The following SDR42E1 variants were observed in gnomAD, a reference collection of about 807,000 sequenced individuals.
SDR42E1 encodes the protein short chain dehydrogenase/reductase family 42E, member 1, also known as short-chain dehydrogenase/reductase family 42E member 1.
Under a neutral mutation model 2.6 loss-of-function variants are expected in SDR42E1, and 5 were observed. That is an observed-to-expected ratio of 1.94 (90% CI 1.01 to 4.08). SDR42E1 has a LOEUF of 4.08. SDR42E1 is among the 30% of genes most tolerant of loss of function. SDR42E1 has a pLI of 0.00. For synonymous variants in SDR42E1, 231 were observed against 188.3 expected (o/e 1.23, Z -1.86); for missense variants, 596 against 478.6 (o/e 1.25, Z -2.29).
Position 81,998,002 on chromosome 16 carries a change from C to T in SDR42E1, c.*1109G>A, listed in dbSNP as rs1368473220. 6.6e-6 allele frequency: 1 copy of T among 152,214 alleles called. No individual in the cohort carries two copies. Among genetic ancestry groups the T allele is most frequent in the East Asian group, 1.9e-4 (1 of 5,202 alleles). 9.4% of individuals were successfully genotyped at this position (152,214 alleles called of 1,614,324 possible). ...TGTTCCCATACTATCCTTTCTGTAG[C>T]TGGAGCCATGGACAGACATGGACTC... is the stretch of plus-strand genomic sequence containing the variant. On this transcript the variant is annotated 3_prime_UTR_variant, in exon 3 of 3. Coordinates refer to ENST00000328945, the MANE Select transcript of SDR42E1 (RefSeq NM_145168.3).
At chr16:82,003,370 C>G (rs1476998472) in intron 1 of SDR42E1, among the ~76,000 whole-genome samples, 1 of 152,202 alleles carries the variant, frequency 6.6e-6, no homozygotes, top group African/African-American at 2.4e-5. Context: ...CAATTCTGTT[C>G]TTTAGTGTAC....
rs747240899 is a variant in SDR42E1 at position 82,000,790 on chromosome 16, C to G, written c.68+1G>C. The stretch of plus-strand genomic sequence containing the variant: ...TGTGTATATTTTATAGATACACTTA[C>G]CGAAAACCAAAATAGCCACTTCCTC... On this transcript the variant is annotated splice_donor_variant, in intron 2 of 2. Transcript: ENST00000328945. LOFTEE classifies it high-confidence loss of function. 1 of 1,611,758 alleles carries G rather than the reference C, an allele frequency of 6.2e-7. No individual in the cohort carries two copies. Among genetic ancestry groups the G allele is most frequent in the South Asian group, 1.1e-5 (1 of 90,942 alleles).
chr16:81,989,585 A>T lies in SDR42E1; in HGVS notation c.*9526T>A, dbSNP rs1212471073. The T allele has an allele frequency of 1.3e-5, 2 of 152,218 alleles. No individual in the cohort carries two copies. The highest frequency in any genetic ancestry group is 2.9e-5 in the Non-Finnish European group (2 of 68,042). 9.4% of individuals were successfully genotyped at this position (152,218 alleles called of 1,614,324 possible). On this transcript the variant is annotated 3_prime_UTR_variant, in exon 3 of 3. Coordinates refer to ENST00000328945, the MANE Select transcript of SDR42E1 (RefSeq NM_145168.3). ...AACACACACCGCTATGGGTGTTTAT[A>T]GACATCAAAATTTAGAGCAGAGAGG...
chr16:81,993,393 G>C lies in SDR42E1; in HGVS notation c.*5718C>G, dbSNP rs753872530. ...ATCAGAAGCATCAGGGAAGAGTCTGGAGTCTGTATATCGAGGTAAAATAGA... is the reference window on the plus strand; with the variant it reads ...ATCAGAAGCATCAGGGAAGAGTCTGCAGTCTGTATATCGAGGTAAAATAGA... On this transcript the variant is annotated 3_prime_UTR_variant, in exon 3 of 3. Coordinates refer to ENST00000328945, the MANE Select transcript of SDR42E1 (RefSeq NM_145168.3). 6.6e-6 allele frequency: 1 copy of C among 152,148 alleles called. No individual in the cohort carries two copies. The highest frequency in any genetic ancestry group is 2.4e-5 in the African/African-American group (1 of 41,432). The allele number at this position is 152,148 out of a possible 1,614,324, so 9.4% of individuals were successfully genotyped here. A position where few individuals can be genotyped will look rare whatever the true frequency, so the allele number is the denominator to read the frequency against.
chr16:82,008,133 T>C (rs1295751887), intron 1 of SDR42E1, among the ~76,000 whole-genome samples: 2 of 152,246 alleles, frequency 1.3e-5, no homozygotes, highest in Admixed American at 6.5e-5. Context: ...CCAGCCACCA[T>C]GTAAGACGTG....
chr16:81,999,630 C>T lies in SDR42E1; in HGVS notation c.663G>A (p.Glu221=), dbSNP rs1282714048. 1.2e-6 allele frequency: 2 copies of T among 1,614,188 alleles called. No homozygotes were observed. Among genetic ancestry groups the T allele is most frequent in the South Asian group, 1.1e-5 (1 of 91,080 alleles). ...FVYGDPRSLV[E]FVHVDNLVQA... ...GCACCAAGTTATCCACGTGGACAAACTCAACCAGGCTCCTGGGGTCCCCGT... is the reference window on the plus strand; with the variant it reads ...GCACCAAGTTATCCACGTGGACAAATTCAACCAGGCTCCTGGGGTCCCCGT... The change falls in exon 3 of 3, where the codon GAG becomes GAA. Residue 221 remains glutamate (E), a synonymous_variant. Transcript: ENST00000328945.
Position 81,992,356 on chromosome 16 carries a change from G to C in SDR42E1, c.*6755C>G, listed in dbSNP as rs1912447013. On this transcript the variant is annotated 3_prime_UTR_variant, in exon 3 of 3. Coordinates refer to ENST00000328945, the MANE Select transcript of SDR42E1 (RefSeq NM_145168.3). ...GCACAGGACTATAAATCAGTGGAGT[G>C]GGGGTGTTGTAATTGCCCAGCAATG... 6.6e-6 allele frequency: 1 copy of C among 152,144 alleles called. No individual in the cohort carries two copies. The highest frequency in any genetic ancestry group is 2.4e-5 in the African/African-American group (1 of 41,420). 9.4% of individuals were successfully genotyped at this position (152,144 alleles called of 1,614,324 possible).
rs1912618907 is a variant in SDR42E1, at chr16:81,998,785, T to A, written c.*326A>T. The A allele has an allele frequency of 3.4e-6, 1 of 294,226 alleles. No homozygotes were observed. The highest frequency in any genetic ancestry group is 4.8e-5 in the Admixed American group (1 of 20,924). 18.2% of individuals were successfully genotyped at this position (294,226 alleles called of 1,614,324 possible). On this transcript the variant is annotated 3_prime_UTR_variant, in exon 3 of 3. Coordinates refer to ENST00000328945, the MANE Select transcript of SDR42E1 (RefSeq NM_145168.3). The stretch of plus-strand genomic sequence containing the variant: ...AGACTGCATAAAATGGAAATAAGTA[T>A]ATCTTGCCCTCTCAGAAATTCAAGA...
At chr16:82,010,943 G>C (rs1460517144) in intron 1 of SDR42E1, among the ~76,000 whole-genome samples, 1 of 152,184 alleles carries the variant, frequency 6.6e-6, no homozygotes, top group East Asian at 1.9e-4. Context: ...ATAAGGTTTT[G>C]TTTAAACCTA....
chr16:82,008,277 A>G (rs982076991), intron 1 of SDR42E1, among the ~76,000 whole-genome samples: 4 of 152,230 alleles, frequency 2.6e-5, no homozygotes, highest in Admixed American at 2.6e-4. Context: ...ATGAGAATGG[A>G]CTAATACAGT....
At position 81,999,352 on chromosome 16, in the gene SDR42E1, G is replaced by T; in HGVS notation, c.941C>A (p.Thr314Asn). 6.2e-7 allele frequency: 1 copy of T among 1,614,196 alleles called. No individual in the cohort carries two copies. The highest frequency in any genetic ancestry group is 1.3e-5 in the African/African-American group (1 of 75,028). The change falls in exon 3 of 3, where the codon ACT becomes AAT. Residue 314 changes from threonine (T) to asparagine (N), a missense_variant. Coordinates refer to ENST00000328945, the MANE Select transcript of SDR42E1 (RefSeq NM_145168.3). ...TGTGACACCAGTTTTGTAAACTTCAGTGCGAGTGAGGAAGGGCTGGAAGTT... is the reference window on the plus strand; with the variant it reads ...TGTGACACCAGTTTTGTAAACTTCATTGCGAGTGAGGAAGGGCTGGAAGTT... ...LYNFQPFLTR[T>N]EVYKTGVTHY... is the part of the protein sequence containing the mutation.
In SDR42E1 at chr16:81,990,523, C is replaced by T. The variant is rs1311927016; in HGVS notation, c.*8588G>A. On this transcript the variant is annotated 3_prime_UTR_variant, in exon 3 of 3. Transcript: ENST00000328945. ...GTAGACACCAGCTTCCCCTCCAAACCCTTCCATCTTTCCCAGCAGAAACAC... is the reference window on the plus strand; with the variant it reads ...GTAGACACCAGCTTCCCCTCCAAACTCTTCCATCTTTCCCAGCAGAAACAC... The T allele has an allele frequency of 6.6e-6, 1 of 152,190 alleles. No individual in the cohort carries two copies. The highest frequency in any genetic ancestry group is 1.9e-4 in the East Asian group (1 of 5,202). The allele number at this position is 152,190 out of a possible 1,614,324, so 9.4% of individuals were successfully genotyped here. A position where few individuals can be genotyped will look rare whatever the true frequency, so the allele number is the denominator to read the frequency against.
intron 1 of SDR42E1, among the ~76,000 whole-genome samples, chr16:82,010,265 A>C (rs1913082630): frequency 6.6e-6 from 1 of 152,220 alleles, no homozygotes; most frequent in African/African-American, 2.4e-5. Context: ...AGCTTTCAGA[A>C]ATGAGGAAAA....
intron 1 of SDR42E1, among the ~76,000 whole-genome samples, chr16:82,008,958 G>A (rs112003410): frequency 0.033 from 5,081 of 152,256 alleles, 245 homozygotes; most frequent in African/African-American, 0.094. Flanking sequence ...GGTGCTCTGC[G>A]TCCCAGCTGC....
chr16:81,995,182 T>G lies in SDR42E1; in HGVS notation c.*3929A>C, dbSNP rs183265111. On this transcript the variant is annotated 3_prime_UTR_variant, in exon 3 of 3. Transcript: ENST00000328945. ...TCATTGCGACCCTCCATCAATCATA[T>G]GGATAACCTCCCACACACTCCTCAG... 9.8e-5 allele frequency: 15 copies of G among 152,366 alleles called. No homozygotes were observed. The East Asian group carries it at 2.7e-3, about 27-fold the overall frequency. The allele number at this position is 152,366 out of a possible 1,614,324, so 9.4% of individuals were successfully genotyped here. A position where few individuals can be genotyped will look rare whatever the true frequency, so the allele number is the denominator to read the frequency against.
At position 81,989,413 on chromosome 16, in the gene SDR42E1, A is replaced by G. The variant is rs534391571; in HGVS notation, c.*9698T>C. On this transcript the variant is annotated 3_prime_UTR_variant, in exon 3 of 3. Coordinates refer to ENST00000328945, the MANE Select transcript of SDR42E1 (RefSeq NM_145168.3). ...AAAAGGGGTCTTTGGCCTTATCCGT[A>G]ATATTTTAACATTATATAAGAAAAA... 24 of 152,338 alleles carry G rather than the reference A, an allele frequency of 1.6e-4. No individual in the cohort carries two copies. The East Asian group carries it at 1.9e-3, about 12-fold the overall frequency. 9.4% of individuals were successfully genotyped at this position (152,338 alleles called of 1,614,324 possible).
intron 1 of SDR42E1, among the ~76,000 whole-genome samples, chr16:82,008,224 C>T (rs549963126): frequency 5.9e-5 from 9 of 152,316 alleles, no homozygotes; most frequent in Admixed American, 3.3e-4. Context: ...AAACTACTTT[C>T]CATTATAAAT....
chr16:81,992,730 A>T lies in SDR42E1; in HGVS notation c.*6381T>A, dbSNP rs1029894500. On this transcript the variant is annotated 3_prime_UTR_variant, in exon 3 of 3. Coordinates refer to ENST00000328945, the MANE Select transcript of SDR42E1 (RefSeq NM_145168.3). ...TGTTGGTTGAAAGACACTTGCCTGG[A>T]TCACTTTGCTACATGCAATTTCTTT... 5.3e-5 allele frequency: 8 copies of T among 152,112 alleles called. No homozygotes were observed. The highest frequency in any genetic ancestry group is 1.7e-4 in the African/African-American group (7 of 41,426). 9.4% of individuals were successfully genotyped at this position (152,112 alleles called of 1,614,324 possible).
At position 81,998,008 on chromosome 16, in the gene SDR42E1, C is replaced by G. The variant is rs1286125817; in HGVS notation, c.*1103G>C. The G allele has an allele frequency of 2.6e-5, 4 of 152,216 alleles. No homozygotes were observed. Among genetic ancestry groups the G allele is most frequent in the African/African-American group, 9.7e-5 (4 of 41,440 alleles). 9.4% of individuals were successfully genotyped at this position (152,216 alleles called of 1,614,324 possible). On this transcript the variant is annotated 3_prime_UTR_variant, in exon 3 of 3. Coordinates refer to ENST00000328945, the MANE Select transcript of SDR42E1 (RefSeq NM_145168.3). ...CATACTATCCTTTCTGTAGCTGGAGCCATGGACAGACATGGACTCTGTCTT... is the reference window on the plus strand; with the variant it reads ...CATACTATCCTTTCTGTAGCTGGAGGCATGGACAGACATGGACTCTGTCTT...
Sources: allele counts gnomAD v4.1 joint callset (sites outside exome capture counted in the v4.1 genomes callset), GRCh38; gene constraint gnomAD v4.1.1; transcripts MANE v1.5; gene names NCBI Gene and HGNC (gene_info 2026-07-23, HGNC 2026-07-21).